Variants in XKR6 observed in about 807,000 individuals in gnomAD.
XKR6 encodes XK related 6, also known as XK-related protein 6.
In XKR6, 22 loss-of-function variants were observed where a neutral mutation model predicts 56.7. That is an observed-to-expected ratio of 0.39 (90% CI 0.28 to 0.55). XKR6 has a LOEUF of 0.55. Ranked by LOEUF, XKR6 falls within the 20% of genes least tolerant of loss-of-function variation. The probability of loss-of-function intolerance (pLI) is 0.66; values close to 1 mark genes in which losing one functional copy is unlikely to be tolerated. For missense variants in XKR6, 852 were observed against 889.0 expected (o/e 0.96, Z 0.53); for synonymous variants, 524 against 387.8 (o/e 1.35, Z -4.13).
Position 10,916,532 on chromosome 8 carries a change from A to G in XKR6, c.961+8102T>C, listed in dbSNP as rs537940480. Among the ~76,000 whole-genome samples the G allele has an allele frequency of 9.2e-5, 14 of 152,338 alleles. No homozygotes were observed. The East Asian group carries it at 1.9e-3, about 21-fold the overall frequency. On this transcript the variant is annotated intron_variant, in intron 2 of 2. Transcript: ENST00000416569. Reference sequence around the variant, plus strand: ...GGATGTCTTTCACTGGGGAGAGGAAAGAGAGGAGGCCATTCAACTGATCAA... The same window carrying G: ...GGATGTCTTTCACTGGGGAGAGGAAGGAGAGGAGGCCATTCAACTGATCAA...
intron 1 of XKR6, among the ~76,000 whole-genome samples, chr8:11,100,042 T>C (rs1409469344): frequency 2.6e-5 from 4 of 152,082 alleles, no homozygotes; most frequent in Non-Finnish European, 5.9e-5. Flanking sequence ...TAGGGCTCAT[T>C]TTTTTTCTTT....
chr8:11,135,641 A>C (rs1800352478), intron 1 of XKR6, among the ~76,000 whole-genome samples: 1 of 152,124 alleles, frequency 6.6e-6, no homozygotes. Context: ...GAACAGAGGA[A>C]CAGAAAATGG....
Position 10,997,232 on chromosome 8 carries a change from C to T in XKR6, c.765-72402G>A, listed in dbSNP as rs760724670. ...CACCAAGTTCATGCCAGCCACCATG[C>T]TCAGCCCAACAACACACCTTATACA... On this transcript the variant is annotated intron_variant, in intron 1 of 2. Coordinates refer to ENST00000416569, the MANE Select transcript of XKR6 (RefSeq NM_173683.4). 5.3e-5 allele frequency among the ~76,000 whole-genome samples: 8 copies of T among 152,346 alleles called. No homozygotes were observed. The East Asian group carries it at 1.5e-3, about 29-fold the overall frequency.
At chr8:10,948,026 G>A (rs952048556) in intron 1 of XKR6, among the ~76,000 whole-genome samples, 2 of 152,084 alleles carry the variant, frequency 1.3e-5, no homozygotes, top group East Asian at 1.9e-4. Flanking sequence ...GTGGGTTAGG[G>A]GAGAGGTGAC....
chr8:11,194,499 T>G (rs1403268818), intron 1 of XKR6: 1 of 152,180 alleles, frequency 6.6e-6, no homozygotes, highest in African/African-American at 2.4e-5. Flanking sequence ...AAGAGGCAAA[T>G]AAGAAATCCA....
At chr8:11,136,378 C>T (rs964604888) in intron 1 of XKR6, among the ~76,000 whole-genome samples, 1 of 152,172 alleles carries the variant, frequency 6.6e-6, no homozygotes, top group Non-Finnish European at 1.5e-5. Flanking sequence ...GTGGCGGGTG[C>T]CCGCAATCCC....
chr8:10,938,975 G>A (rs1458417898), intron 1 of XKR6, among the ~76,000 whole-genome samples: 1 of 152,146 alleles, frequency 6.6e-6, no homozygotes, highest in Non-Finnish European at 1.5e-5. Context: ...AAAGTGAGGG[G>A]CCCTAAAGCT....
At chr8:10,981,607 A>G (rs1278734049) in intron 1 of XKR6, among the ~76,000 whole-genome samples, 1 of 152,236 alleles carries the variant, frequency 6.6e-6, no homozygotes, top group African/African-American at 2.4e-5. Context: ...GATCTAGAAT[A>G]AGCCTCCCAA....
At chr8:10,958,015 C>A (rs569583766) in intron 1 of XKR6, among the ~76,000 whole-genome samples, 2 of 152,180 alleles carry the variant, frequency 1.3e-5, no homozygotes, top group Non-Finnish European at 2.9e-5. Context: ...AAGAAACCCA[C>A]GTGATCTGGA....
At chr8:10,970,232 A>AT in intron 1 of XKR6, among the ~76,000 whole-genome samples, 1 of 152,288 alleles carries the variant, frequency 6.6e-6, no homozygotes, top group South Asian at 2.1e-4. Flanking sequence ...CTGTACAGAC[A>AT]TATCTGCCAT....
intron 2 of XKR6, among the ~76,000 whole-genome samples, chr8:10,905,372 C>A (rs568879865): frequency 1.1e-4 from 16 of 152,316 alleles, no homozygotes; most frequent in African/African-American, 3.8e-4. Flanking sequence ...CACACCCCAC[C>A]CTTAGCTGTT....
At chr8:11,163,072 G>C (rs955642322) in intron 1 of XKR6, among the ~76,000 whole-genome samples, 1 of 152,168 alleles carries the variant, frequency 6.6e-6, no homozygotes, top group Non-Finnish European at 1.5e-5. Context: ...AAGGAAACTA[G>C]AACCATTTAA....
At chr8:11,080,773 G>A (rs892109899) in intron 1 of XKR6, among the ~76,000 whole-genome samples, 16 of 152,376 alleles carry the variant, frequency 1.1e-4, no homozygotes, top group Middle Eastern at 3.4e-3. Context: ...CAGAGACAAC[G>A]CAAGAACACC....
intron 1 of XKR6, among the ~76,000 whole-genome samples, chr8:11,079,322 A>G (rs1800354185): frequency 6.6e-6 from 1 of 152,282 alleles, no homozygotes; most frequent in Non-Finnish European, 1.5e-5. Flanking sequence ...GGCGCATTAA[A>G]GTATGCTGAA....
intron 1 of XKR6, among the ~76,000 whole-genome samples, chr8:11,110,122 G>C (rs551199002): frequency 2.6e-5 from 4 of 152,098 alleles, no homozygotes; most frequent in Admixed American, 2.6e-4. Context: ...ACAGGTGCCC[G>C]CCACCACATC....
intron 1 of XKR6, among the ~76,000 whole-genome samples, chr8:11,037,278 T>A (rs952770191): frequency 1.3e-5 from 2 of 152,066 alleles, no homozygotes; most frequent in Non-Finnish European, 2.9e-5. Context: ...CAGGCTGGAG[T>A]GTGGTGGTAC....
chr8:11,197,035 G>C (rs1288706012), intron 1 of XKR6, among the ~76,000 whole-genome samples: 1 of 152,172 alleles, frequency 6.6e-6, no homozygotes, highest in Non-Finnish European at 1.5e-5. Context: ...CGCTAAAACA[G>C]AGCTGTAGAC....
At chr8:10,977,716 C>G (rs895024746) in intron 1 of XKR6, among the ~76,000 whole-genome samples, 3 of 150,480 alleles carry the variant, frequency 2.0e-5, no homozygotes, top group African/African-American at 7.3e-5. Flanking sequence ...GTGCAGGGGT[C>G]ATAGAACGAG....
At chr8:11,021,789 T>C (rs1798755127) in intron 1 of XKR6, among the ~76,000 whole-genome samples, 1 of 152,194 alleles carries the variant, frequency 6.6e-6, no homozygotes, top group Non-Finnish European at 1.5e-5. Context: ...CCTCCTGAGA[T>C]ACTAACGTGA....
Sources: allele counts gnomAD v4.1 joint callset (sites outside exome capture counted in the v4.1 genomes callset), GRCh38; gene constraint gnomAD v4.1.1; transcripts MANE v1.5; gene names NCBI Gene and HGNC (gene_info 2026-07-23, HGNC 2026-07-21).